Variants in DYNC2H1 observed in about 807,000 individuals in gnomAD.
The protein encoded by DYNC2H1 is cytoplasmic dynein 2 heavy chain 1.
Under a neutral mutation model 570.0 loss-of-function variants are expected in DYNC2H1, and 410 were observed. The observed-to-expected ratio is 0.72, with a 90% CI of 0.66 to 0.78. The LOEUF is 0.78. Ranked by LOEUF, DYNC2H1 falls within the 30% of genes least tolerant of loss-of-function variation. DYNC2H1 has a pLI of 0.00. For missense variants in DYNC2H1, 4,865 were observed against 5,046.4 expected (o/e 0.96, Z 1.09); for synonymous variants, 1,688 against 1,677.6 (o/e 1.01, Z -0.15).
At chr11:103,311,354 A>G (rs11225686) in intron 78 of DYNC2H1, among the ~76,000 whole-genome samples, 26,288 of 152,058 alleles carry the variant, frequency 0.17, 2,465 homozygotes, top group Admixed American at 0.26. Flanking sequence ...CTGATATATA[A>G]TTTCACTTCC....
At chr11:103,212,161 GC>G (rs1391759784) in intron 54 of DYNC2H1, among the ~76,000 whole-genome samples, 1 of 151,682 alleles carries the variant, frequency 6.6e-6, no homozygotes. Context: ...TCTTTTCTTC[GC>G]TGGTTGGCAT....
intron 24 of DYNC2H1, 58 bp downstream of exon 24, chr11:103,154,867 G>A (rs1487957008): frequency 1.2e-5 from 15 of 1,233,766 alleles, no homozygotes; most frequent in South Asian, 1.6e-5. Context: ...TTCATCTTAT[G>A]TAGTGACTGA....
intron 57 of DYNC2H1, among the ~76,000 whole-genome samples, chr11:103,220,996 A>G (rs865809985): frequency 7.2e-5 from 11 of 152,176 alleles, no homozygotes; most frequent in Middle Eastern, 6.3e-3. Flanking sequence ...GTGTCAAAAG[A>G]GGAGAAAAGG....
intron 28 of DYNC2H1, among the ~76,000 whole-genome samples, chr11:103,159,558 T>TG (rs1429835226): frequency 2.6e-5 from 4 of 152,026 alleles, no homozygotes; most frequent in African/African-American, 9.7e-5. Context: ...TGAGATTACT[T>TG]GGGGGAAAAC....
At chr11:103,214,509 G>A (rs988823418) in intron 54 of DYNC2H1, among the ~76,000 whole-genome samples, 1 of 146,936 alleles carries the variant, frequency 6.8e-6, no homozygotes. Context: ...TAATAGTGCG[G>A]TCTTGGCTCA....
chr11:103,307,874 G>A, intron 78 of DYNC2H1, 43 bp downstream of exon 78: 9 of 1,187,654 alleles, frequency 7.6e-6, no homozygotes, highest in Non-Finnish European at 1.1e-5. Context: ...TATGAAAGCA[G>A]TACTCTATAC....
intron 82 of DYNC2H1, among the ~76,000 whole-genome samples, chr11:103,338,543 A>G (rs552290745): frequency 2.0e-5 from 3 of 152,252 alleles, no homozygotes; most frequent in South Asian, 4.1e-4. Flanking sequence ...TTCTCTGTGT[A>G]TGTTCATATA....
chr11:103,155,284 T>A, intron 24 of DYNC2H1, 47 bp from the exon 25 acceptor site: 1 of 1,515,870 alleles, frequency 6.6e-7, no homozygotes, highest in Non-Finnish European at 8.8e-7. Flanking sequence ...TGCTAATATA[T>A]GTATATGTGT....
At chr11:103,212,125 A>AT (rs1030686569) in intron 54 of DYNC2H1, among the ~76,000 whole-genome samples, 182 bp downstream of exon 54, 4 of 151,820 alleles carry the variant, frequency 2.6e-5, no homozygotes, top group Admixed American at 1.3e-4. Flanking sequence ...GATGATTTGT[A>AT]TTTTTTTTAA....
intron 82 of DYNC2H1, among the ~76,000 whole-genome samples, chr11:103,351,715 AGGAGT>A (rs1940065316): frequency 6.6e-6 from 1 of 152,164 alleles, no homozygotes; most frequent in Non-Finnish European, 1.5e-5. Flanking sequence ...ATCTGTGTTC[AGGAGT>A]AAGACTGGTC....
At chr11:103,347,478 C>T (rs756475424) in intron 82 of DYNC2H1, among the ~76,000 whole-genome samples, 2 of 151,096 alleles carry the variant, frequency 1.3e-5, no homozygotes, top group Non-Finnish European at 1.5e-5. Context: ...TTAAATAACA[C>T]GTGGTCTGGG....
At chr11:103,176,165 T>G in intron 36 of DYNC2H1, 70 bp from the exon 37 acceptor site, 1 of 1,204,688 alleles carries the variant, frequency 8.3e-7, no homozygotes, top group Non-Finnish European at 1.1e-6. Flanking sequence ...ATCAAGGCTA[T>G]AGAATATTTA....
At chr11:103,404,014 T>TG (rs1204425263) in intron 84 of DYNC2H1, 1 of 151,914 alleles carries the variant, frequency 6.6e-6, no homozygotes, top group Non-Finnish European at 1.5e-5. Flanking sequence ...GCTGTTAGTA[T>TG]GAATTAATTT....
rs570366151 is a variant in DYNC2H1, at chr11:103,204,189, A to G, written c.8311+413A>G. On this transcript the variant is annotated intron_variant, in intron 51 of 88. Transcript: ENST00000375735. This position sits in a 1 kb window ranked among gnomAD's most constrained non-coding sequence, Gnocchi z 4.1. ...ATGAGAGCCATTCACTATCATGAGA[A>G]TAGCATGGGAAATACCTGCCCCGCT... 2.0e-4 allele frequency among the ~76,000 whole-genome samples: 31 copies of G among 152,278 alleles called. No individual in the cohort carries two copies. Among genetic ancestry groups the G allele is most frequent in the Non-Finnish European group, 3.4e-4 (23 of 68,018 alleles).
At chr11:103,315,102 A>T (rs1200474676) in intron 79 of DYNC2H1, among the ~76,000 whole-genome samples, 1 of 145,694 alleles carries the variant, frequency 6.9e-6, no homozygotes, top group African/African-American at 2.5e-5. Flanking sequence ...TCTTTTTTTA[A>T]AAAAGTATCC....
intron 84 of DYNC2H1, among the ~76,000 whole-genome samples, chr11:103,434,987 CAA>C (rs1430365486): frequency 6.6e-6 from 1 of 152,082 alleles, no homozygotes; most frequent in Admixed American, 6.6e-5. Context: ...CCTCAAGTCT[CAA>C]GAGGCAAAGT....
At chr11:103,448,421 T>C (rs1356930686) in intron 85 of DYNC2H1, among the ~76,000 whole-genome samples, 1 of 152,222 alleles carries the variant, frequency 6.6e-6, no homozygotes, top group Non-Finnish European at 1.5e-5. Context: ...CCAGATCTGC[T>C]AGTTCTGACA....
intron 13 of DYNC2H1, among the ~76,000 whole-genome samples, chr11:103,132,190 C>G (rs893781982): frequency 5.9e-5 from 9 of 151,918 alleles, no homozygotes; most frequent in Non-Finnish European, 1.3e-4. Context: ...CCTTTATTTT[C>G]TCTTTGTTGT....
intron 83 of DYNC2H1, among the ~76,000 whole-genome samples, chr11:103,382,802 A>G (rs1216186370): frequency 6.6e-6 from 1 of 152,206 alleles, no homozygotes; most frequent in Non-Finnish European, 1.5e-5. Context: ...TCCTTTTGAT[A>G]ATAAAAATTA....
Sources: allele counts gnomAD v4.1 joint callset (sites outside exome capture counted in the v4.1 genomes callset), GRCh38; gene constraint gnomAD v4.1.1; non-coding constraint Gnocchi (gnomAD v3.1); transcripts MANE v1.5; gene names NCBI Gene and HGNC (gene_info 2026-07-23, HGNC 2026-07-21).